The following CRB1 variants were observed in gnomAD, a reference collection of about 807,000 sequenced individuals.
CRB1 encodes protein crumbs homolog 1.
In CRB1, 83 loss-of-function variants were observed where a neutral mutation model predicts 120.0. That is an observed-to-expected ratio of 0.69 (90% CI 0.58 to 0.83). The LOEUF (loss-of-function observed/expected upper bound fraction) is 0.83. Among genes scored for constraint, CRB1 ranks in the 40% least tolerant of loss-of-function variants. The pLI is 0.00. For missense variants in CRB1, 1,699 were observed against 1,687.6 expected (o/e 1.01, Z -0.12); for synonymous variants, 625 against 612.5 (o/e 1.02, Z -0.30).
At chr1:197,414,034 C>A in intron 5 of CRB1, 1 of 439,852 alleles carries the variant, frequency 2.3e-6, no homozygotes. Flanking sequence ...CGCTAATTTG[C>A]AACATGCTTA....
chr1:197,475,162 A>G (rs1667146884), intron 11 of CRB1, among the ~76,000 whole-genome samples: 1 of 152,172 alleles, frequency 6.6e-6, no homozygotes, highest in Non-Finnish European at 1.5e-5. Context: ...AATATGAAGG[A>G]GAGATGGAGT....
chr1:197,450,438 G>T (rs1665902699), intron 11 of CRB1, among the ~76,000 whole-genome samples: 1 of 152,114 alleles, frequency 6.6e-6, no homozygotes, highest in South Asian at 2.1e-4. Flanking sequence ...GGTATATTGT[G>T]TGATGCGTGA....
At chr1:197,453,865 A>G (rs1028401072) in intron 11 of CRB1, among the ~76,000 whole-genome samples, 1 of 138,322 alleles carries the variant, frequency 7.2e-6, no homozygotes, top group Non-Finnish European at 1.6e-5. Context: ...ATATATATTA[A>G]TATTATTAAT....
intron 2 of CRB1, among the ~76,000 whole-genome samples, chr1:197,342,215 C>T (rs754649163): frequency 2.0e-5 from 3 of 152,198 alleles, no homozygotes; most frequent in Non-Finnish European, 4.4e-5. Flanking sequence ...TGCTTTACAA[C>T]AGAAATTGTC....
chr1:197,278,234 G>A (rs919980539), intron 1 of CRB1, among the ~76,000 whole-genome samples: 2 of 151,844 alleles, frequency 1.3e-5, no homozygotes, highest in Non-Finnish European at 2.9e-5. Context: ...TTGTAAAAGA[G>A]ACCTCCAAGA....
At chr1:197,429,193 T>TG (rs775737543) in intron 7 of CRB1, 101 of 1,512,234 alleles carry the variant, frequency 6.7e-5, no homozygotes, top group African/African-American at 3.9e-4. Context: ...CTGCTATACT[T>TG]GAAAAACCCT....
the CRB1 span, among the ~76,000 whole-genome samples, chr1:197,238,542 C>T: frequency 6.6e-6 from 1 of 152,068 alleles, no homozygotes; most frequent in Non-Finnish European, 1.5e-5. Context: ...GTTTATCCTA[C>T]ATGTCAGTAA....
At chr1:197,371,436 C>G (rs1168338483) in intron 5 of CRB1, among the ~76,000 whole-genome samples, 1 of 152,026 alleles carries the variant, frequency 6.6e-6, no homozygotes, top group Non-Finnish European at 1.5e-5. Context: ...CTTTTTAAAT[C>G]TTCTATTTCT....
chr1:197,355,699 G>A (rs563835722), intron 4 of CRB1, among the ~76,000 whole-genome samples: 4 of 152,278 alleles, frequency 2.6e-5, no homozygotes, highest in Non-Finnish European at 4.4e-5. Context: ...GTTTTGGGCC[G>A]GCAAGCCCAC....
At chr1:197,320,238 G>T (rs898491987) in intron 1 of CRB1, among the ~76,000 whole-genome samples, 9 of 152,092 alleles carry the variant, frequency 5.9e-5, no homozygotes, top group Non-Finnish European at 1.0e-4. Flanking sequence ...ATCACTCAAG[G>T]GCTCTTGCTT....
intron 1 of CRB1, among the ~76,000 whole-genome samples, chr1:197,315,170 T>C (rs565529843): frequency 6.6e-6 from 1 of 152,276 alleles, no homozygotes; most frequent in African/African-American, 2.4e-5. Flanking sequence ...TTCCCAAAAA[T>C]AGAAACCTCA....
chr1:197,350,366 C>G (rs1252334843), intron 4 of CRB1, among the ~76,000 whole-genome samples: 9 of 152,122 alleles, frequency 5.9e-5, no homozygotes, highest in Non-Finnish European at 8.8e-5. Flanking sequence ...AAAAATAGAG[C>G]CTTGCACATA....
the CRB1 span, among the ~76,000 whole-genome samples, chr1:197,251,797 G>A: frequency 6.6e-6 from 1 of 151,974 alleles, no homozygotes; most frequent in Non-Finnish European, 1.5e-5. Context: ...TGTGGAGGGT[G>A]TATGTGTGTG....
the CRB1 span, among the ~76,000 whole-genome samples, chr1:197,228,435 G>A: frequency 7.5e-4 from 114 of 152,244 alleles, 2 homozygotes; most frequent in East Asian, 0.022. Flanking sequence ...CTAGGGCGGG[G>A]CAATATGCCA....
chr1:197,458,735 GAGA>G (rs1442795293), intron 11 of CRB1, among the ~76,000 whole-genome samples: 1 of 152,168 alleles, frequency 6.6e-6, no homozygotes, highest in East Asian at 1.9e-4. Context: ...TACACAGGGA[GAGA>G]AGAAGGAGAG....
chr1:197,442,573 TTGTC>T (rs1414363189), intron 11 of CRB1: 110 of 1,399,536 alleles, frequency 7.9e-5, no homozygotes, highest in Admixed American at 6.2e-4. Context: ...CAGAAGCACT[TTGTC>T]TGTGTATAAA....
chr1:197,418,254 T>C (rs1286870257), intron 5 of CRB1, among the ~76,000 whole-genome samples: 1 of 152,208 alleles, frequency 6.6e-6, no homozygotes, highest in Non-Finnish European at 1.5e-5. Context: ...GTTTCAACTT[T>C]TCATATTCAG....
At chr1:197,209,440 G>A in the CRB1 span, among the ~76,000 whole-genome samples, 1 of 152,110 alleles carries the variant, frequency 6.6e-6, no homozygotes, top group Non-Finnish European at 1.5e-5. Flanking sequence ...CCACCTCCCA[G>A]GCTCAAGCAG....
intron 5 of CRB1, among the ~76,000 whole-genome samples, chr1:197,419,012 G>A (rs1488845482): frequency 6.6e-6 from 1 of 152,090 alleles, no homozygotes; most frequent in Non-Finnish European, 1.5e-5. Flanking sequence ...CTACTTTTTA[G>A]TATTGGCCAA....
Sources: gnomAD v4.1 joint callset for allele counts (sites outside exome capture counted in the v4.1 genomes callset) on GRCh38, gnomAD v4.1.1 for gene constraint, MANE v1.5 for transcripts, NCBI Gene and HGNC (gene_info 2026-07-23, HGNC 2026-07-21) for gene names.